CRYBG3: variants seen among roughly 807,000 people sequenced by gnomAD.
CRYBG3 encodes very large A-kinase anchor protein.
Under a neutral mutation model 244.2 loss-of-function variants are expected in CRYBG3, and 127 were observed. The ratio of observed to expected loss-of-function variants is 0.52; its 90% CI spans 0.45 to 0.60. The LOEUF (loss-of-function observed/expected upper bound fraction) is 0.60. CRYBG3 is among the 20% of genes least tolerant of loss of function. CRYBG3 has a pLI of 0.00. For missense variants in CRYBG3, 3,325 were observed against 3,442.5 expected (o/e 0.97, Z 0.85); for synonymous variants, 1,132 against 1,195.8 (o/e 0.95, Z 1.10).
intron 1 of CRYBG3, among the ~76,000 whole-genome samples, chr3:97,841,278 A>T (rs559781882): frequency 6.7e-6 from 1 of 149,440 alleles, no homozygotes; most frequent in Non-Finnish European, 1.5e-5. Flanking sequence ...ATATATGTAC[A>T]TATAGGTGCG....
At position 97,876,693 on chromosome 3, in the gene CRYBG3, T is replaced by G; in HGVS notation, c.5499T>G (p.Ile1833Met). The change falls in exon 4 of 22, where the codon ATT becomes ATG. Residue 1833 changes from isoleucine to methionine, a missense_variant. Physicochemically the swap from Ile to Met is conservative, Grantham distance 10. Coordinates refer to ENST00000389622, the MANE Select transcript of CRYBG3 (RefSeq NM_153605.4). ...GCAAGAGAGATGTTAAAGAGACTAT[T>G]GGAGCAACTGTGTCCACACCCTCTG... is the stretch of plus-strand genomic sequence containing the variant. Reference protein sequence around the residue: ...KACKRDVKETIGATVSTPSVI... With the variant: ...KACKRDVKETMGATVSTPSVI... 4 of 1,242,812 alleles carry G rather than the reference T, an allele frequency of 3.2e-6. No individual in the cohort carries two copies. Among genetic ancestry groups the G allele is most frequent in the Non-Finnish European group, 4.0e-6 (4 of 994,808 alleles). 77.0% of individuals were successfully genotyped at this position (1,242,812 alleles called of 1,614,324 possible). A position where few individuals can be genotyped will look rare whatever the true frequency, so the allele number is the denominator to read the frequency against.
At position 97,877,564 on chromosome 3, in the gene CRYBG3, T is replaced by G; in HGVS notation, c.6370T>G (p.Leu2124Val). 3 of 1,614,120 alleles carry G rather than the reference T, an allele frequency of 1.9e-6. No homozygotes were observed. The highest frequency in any genetic ancestry group is 2.5e-6 in the Non-Finnish European group (3 of 1,180,028). ...CAGTGAAAACCAGTCCTCTTCTGTT[T>G]TATCCCTTCTCCAGTCAGTGTCAGA... ...RDSENQSSSV[L>V]SLLQSVSERL... The change falls in exon 4 of 22, where the codon TTA (leucine) becomes GTA (valine). Residue 2124 changes from leucine (L) to valine (V), a missense_variant. Physicochemically the swap from Leu to Val is conservative, Grantham distance 32. Around this residue, in one of 4 missense-constraint regions of CRYBG3, gnomAD observed 450 missense variants for 424.1 expected, o/e 1.06. Coordinates refer to ENST00000389622, the MANE Select transcript of CRYBG3 (RefSeq NM_153605.4).
intron 1 of CRYBG3, among the ~76,000 whole-genome samples, chr3:97,839,593 A>G (rs1343501392): frequency 1.3e-5 from 2 of 152,106 alleles, no homozygotes; most frequent in African/African-American, 2.4e-5. Context: ...ATTGTTCCCA[A>G]TGTAACAGTG....
chr3:97,937,076 T>G (rs1414558089), intron 19 of CRYBG3, among the ~76,000 whole-genome samples, 168 bp downstream of exon 19: 1 of 152,122 alleles, frequency 6.6e-6, no homozygotes, highest in Non-Finnish European at 1.5e-5. Flanking sequence ...TTTGTAAGAT[T>G]GTATCTAAAG....
intron 11 of CRYBG3, among the ~76,000 whole-genome samples, chr3:97,895,734 C>T (rs1424330109): frequency 6.6e-6 from 1 of 152,208 alleles, no homozygotes; most frequent in African/African-American, 2.4e-5. Context: ...TGCTTTGTTG[C>T]AGTTCTATAA....
At chr3:97,853,760 A>G (rs1559719605) in intron 2 of CRYBG3, among the ~76,000 whole-genome samples, 1 of 152,118 alleles carries the variant, frequency 6.6e-6, no homozygotes, top group Non-Finnish European at 1.5e-5. Flanking sequence ...TTTTTGCCAT[A>G]CTTAAATATT....
intron 1 of CRYBG3, among the ~76,000 whole-genome samples, chr3:97,830,108 T>TA (rs2038635266): frequency 6.6e-6 from 1 of 152,206 alleles, no homozygotes; most frequent in Non-Finnish European, 1.5e-5. Context: ...GAAGATTAAA[T>TA]AAACCTGTAG....
Position 97,942,387 on chromosome 3 carries a change from A to C in CRYBG3, c.8768A>C (p.Asn2923Thr). The change falls in exon 21 of 22, where the codon AAT (asparagine) becomes ACT (threonine). Residue 2923 changes from asparagine (N) to threonine (T), a missense_variant. By Grantham distance (65) the Asn-to-Thr change is moderately conservative. Around this residue, in one of 4 missense-constraint regions of CRYBG3, gnomAD observed 714 missense variants for 803.6 expected, o/e 0.89. Coordinates refer to ENST00000389622, the MANE Select transcript of CRYBG3 (RefSeq NM_153605.4). ...CAATTCAGGCAGAAGTGGAGACTGA[A>C]TAAAAATGGAACTATCAGCTCTTAT... ...HGQFRQKWRL[N>T]KNGTISSYLS... The C allele has an allele frequency of 1.2e-6, 2 of 1,611,982 alleles. No individual in the cohort carries two copies. The highest frequency in any genetic ancestry group is 1.7e-6 in the Non-Finnish European group (2 of 1,178,580).
At chr3:97,884,698 A>G (rs1007244573) in intron 7 of CRYBG3, among the ~76,000 whole-genome samples, 2 of 152,182 alleles carry the variant, frequency 1.3e-5, no homozygotes, top group Admixed American at 6.5e-5. Flanking sequence ...TTTGCAAAGC[A>G]TGCTATTTCT....
chr3:97,831,767 G>A (rs1347018583), intron 1 of CRYBG3, among the ~76,000 whole-genome samples: 3 of 151,954 alleles, frequency 2.0e-5, no homozygotes, highest in African/African-American at 7.3e-5. Flanking sequence ...AAATGTTCCC[G>A]ACACAAAGAA....
At position 97,876,292 on chromosome 3, in the gene CRYBG3, G is replaced by A; in HGVS notation, c.5098G>A (p.Gly1700Arg). 2.4e-6 allele frequency: 3 copies of A among 1,232,014 alleles called. No individual in the cohort carries two copies. Among genetic ancestry groups the A allele is most frequent in the Non-Finnish European group, 3.0e-6 (3 of 987,946 alleles). The allele number at this position is 1,232,014 out of a possible 1,614,324, so 76.3% of individuals were successfully genotyped here. A position where few individuals can be genotyped will look rare whatever the true frequency, so the allele number is the denominator to read the frequency against. ...VENIHQKGGE[G>R]ISEKAEVIPV... ...AAATATCCACCAAAAAGGTGGTGAA[G>A]GGATTAGTGAAAAGGCTGAAGTGAT... The change falls in exon 4 of 22, where the codon GGG becomes AGG. Residue 1700 changes from glycine (G) to arginine (R), a missense_variant. Coordinates refer to ENST00000389622, the MANE Select transcript of CRYBG3 (RefSeq NM_153605.4).
At chr3:97,857,592 T>C (rs1457868511) in intron 2 of CRYBG3, among the ~76,000 whole-genome samples, 15 of 152,070 alleles carry the variant, frequency 9.9e-5, no homozygotes, top group Non-Finnish European at 1.5e-5. Flanking sequence ...GGTCCCTTTA[T>C]CCTTATATAA....
At chr3:97,879,779 G>T in intron 5 of CRYBG3, 31 bp downstream of exon 5, 1 of 1,507,486 alleles carries the variant, frequency 6.6e-7, no homozygotes, top group Non-Finnish European at 9.1e-7. Flanking sequence ...CTAAGATAAA[G>T]GTTAAACATT....
chr3:97,827,044 C>T (rs1011036302), intron 1 of CRYBG3, among the ~76,000 whole-genome samples: 5 of 152,228 alleles, frequency 3.3e-5, no homozygotes, highest in African/African-American at 1.2e-4. Flanking sequence ...AGTAACTGCA[C>T]CATCAAGGTG....
At position 97,822,374 on chromosome 3, in the gene CRYBG3, G is replaced by A; in HGVS notation, c.149+19G>A. 1 of 1,490,964 alleles carries A rather than the reference G, an allele frequency of 6.7e-7. No homozygotes were observed. Among genetic ancestry groups the A allele is most frequent in the Non-Finnish European group, 8.9e-7 (1 of 1,123,512 alleles). 92.4% of individuals were successfully genotyped at this position (1,490,964 alleles called of 1,614,324 possible). A position where few individuals can be genotyped will look rare whatever the true frequency, so the allele number is the denominator to read the frequency against. On this transcript the variant is annotated intron_variant, in intron 1 of 21. Transcript: ENST00000389622. ...CTGCCAGGTGGGAGTCGAGGAGGGG[G>A]TCGCGGGGGGGCCCTGCACATATTC...
intron 3 of CRYBG3, 74 bp downstream of exon 3, chr3:97,864,721 C>CT: frequency 9.9e-7 from 1 of 1,008,918 alleles, no homozygotes; most frequent in Non-Finnish European, 1.4e-6. Flanking sequence ...AGCTTTAATC[C>CT]TAGTAATTGG....
intron 1 of CRYBG3, among the ~76,000 whole-genome samples, chr3:97,839,900 A>T (rs533125813): frequency 5.9e-5 from 9 of 152,098 alleles, no homozygotes; most frequent in African/African-American, 1.7e-4. Context: ...ATTATTTTTT[A>T]AAATTTGTCT....
intron 2 of CRYBG3, among the ~76,000 whole-genome samples, chr3:97,860,341 A>T (rs1025480658): frequency 6.6e-6 from 1 of 152,168 alleles, no homozygotes; most frequent in Non-Finnish European, 1.5e-5. Flanking sequence ...GAGGAAACAC[A>T]TATTAAATGT....
At chr3:97,836,607 C>T (rs2038736900) in intron 1 of CRYBG3, among the ~76,000 whole-genome samples, 2 of 152,068 alleles carry the variant, frequency 1.3e-5, no homozygotes, top group South Asian at 2.1e-4. Context: ...GAACTTGTCA[C>T]GTGAGGCTGT....
Sources: allele counts gnomAD v4.1 joint callset (sites outside exome capture counted in the v4.1 genomes callset), GRCh38; gene constraint gnomAD v4.1.1; regional missense constraint gnomAD v4.1.1; transcripts MANE v1.5; gene names NCBI Gene and HGNC (gene_info 2026-07-23, HGNC 2026-07-21).